The following ARMH3 variants were observed in gnomAD, a reference collection of about 807,000 sequenced individuals.
The protein encoded by ARMH3 is armadillo like helical domain containing 3.
In ARMH3, 60 loss-of-function variants were observed where a neutral mutation model predicts 99.1. The observed-to-expected ratio is 0.61, with a 90% confidence interval of 0.49 to 0.75. The LOEUF (loss-of-function observed/expected upper bound fraction) is 0.75, where lower values mean the gene tolerates loss of function less well. ARMH3 is among the 30% of genes least tolerant of loss of function. ARMH3 has a pLI of 0.00. For synonymous variants in ARMH3, 285 were observed against 292.8 expected (o/e 0.97, Z 0.27); for missense variants, 679 against 843.1 (o/e 0.81, Z 2.41).
At chr10:101,912,620 C>T (rs1304266097) in intron 23 of ARMH3, among the ~76,000 whole-genome samples, 1 of 152,160 alleles carries the variant, frequency 6.6e-6, no homozygotes, top group Non-Finnish European at 1.5e-5. Flanking sequence ...CAAGTAAAGA[C>T]AGTTTACATC....
chr10:101,950,708 AT>A (rs1292167640), intron 22 of ARMH3, among the ~76,000 whole-genome samples: 1 of 152,244 alleles, frequency 6.6e-6, no homozygotes, highest in Non-Finnish European at 1.5e-5. Flanking sequence ...AAGAGACCAC[AT>A]ATTGTATGAT....
In ARMH3 at chr10:102,001,205, T is replaced by C. The variant is rs181891402; in HGVS notation, c.1150+766A>G. Among the ~76,000 whole-genome samples the C allele has an allele frequency of 7.9e-5, 12 of 152,312 alleles. No individual in the cohort carries two copies. The East Asian group carries it at 2.3e-3, about 29-fold the overall frequency. On this transcript the variant is annotated intron_variant, in intron 15 of 25. Transcript: ENST00000370033. ...GGTTAAGATGGTAAATTTTGTTATA[T>C]ATACTTTACCACAATAAAAACAAAC...
intron 19 of ARMH3, among the ~76,000 whole-genome samples, chr10:101,979,265 A>G (rs1415598678): frequency 6.6e-6 from 1 of 152,258 alleles, no homozygotes; most frequent in Non-Finnish European, 1.5e-5. Flanking sequence ...GAATAAATAC[A>G]ACGATGTTGT....
intron 1 of ARMH3, among the ~76,000 whole-genome samples, chr10:102,052,810 A>G (rs928977032): frequency 3.9e-5 from 6 of 152,032 alleles, no homozygotes; most frequent in Non-Finnish European, 7.4e-5. Context: ...GTGCCAATAC[A>G]TTAAGCTCAC....
chr10:101,849,869 G>A lies in ARMH3; in HGVS notation c.1884C>T (p.Asn628=), dbSNP rs763311485. Residue 628 remains asparagine, a synonymous_variant, in exon 25 of 26, where the codon AAC becomes AAT. Transcript: ENST00000370033. The part of the protein sequence containing the change: ...EEQVLEVVRA[N]YDTLTLKLQD... ...GCAGCTTCAGCGTGAGCGTGTCATAGTTGGCTCTCACCACCTCCAGCACCT... is the reference window on the plus strand; with the variant it reads ...GCAGCTTCAGCGTGAGCGTGTCATAATTGGCTCTCACCACCTCCAGCACCT... The A allele has an allele frequency of 1.2e-6, 2 of 1,613,962 alleles. No homozygotes were observed. The highest frequency in any genetic ancestry group is 1.7e-6 in the Non-Finnish European group (2 of 1,179,998).
intron 23 of ARMH3, among the ~76,000 whole-genome samples, chr10:101,918,258 T>G (rs1283163511): frequency 6.6e-6 from 1 of 152,210 alleles, no homozygotes; most frequent in Non-Finnish European, 1.5e-5. Flanking sequence ...TTCACCATGT[T>G]GGCCAGGCTG....
chr10:101,903,916 C>T (rs2068038382), intron 23 of ARMH3, among the ~76,000 whole-genome samples: 1 of 152,216 alleles, frequency 6.6e-6, no homozygotes, highest in Non-Finnish European at 1.5e-5. Context: ...AGGTTCTCTA[C>T]CTCTTCTCCC....
chr10:102,005,025 A>T (rs574054308), intron 14 of ARMH3, among the ~76,000 whole-genome samples: 1 of 152,272 alleles, frequency 6.6e-6, no homozygotes, highest in East Asian at 1.9e-4. Context: ...TAACACTGTG[A>T]AACCCCATCT....
chr10:102,054,254 T>C (rs1230235504), intron 1 of ARMH3, among the ~76,000 whole-genome samples: 1 of 151,934 alleles, frequency 6.6e-6, no homozygotes, highest in Non-Finnish European at 1.5e-5. Context: ...CCAGGCATGG[T>C]GGTGCGCGCC....
At chr10:101,991,713 T>C (rs1444130440) in intron 18 of ARMH3, among the ~76,000 whole-genome samples, 1 of 152,176 alleles carries the variant, frequency 6.6e-6, no homozygotes, top group African/African-American at 2.4e-5. Context: ...GTAAATCATG[T>C]ATCAAGTTTA....
chr10:101,910,763 T>TA (rs1237082309), intron 23 of ARMH3, among the ~76,000 whole-genome samples: 2 of 147,576 alleles, frequency 1.4e-5, no homozygotes, highest in African/African-American at 5.0e-5. Context: ...ACTCAAGGTG[T>TA]AATACAAGGG....
At chr10:101,928,106 T>G (rs1005068553) in intron 23 of ARMH3, among the ~76,000 whole-genome samples, 73 of 152,104 alleles carry the variant, frequency 4.8e-4, no homozygotes, top group African/African-American at 1.7e-3. Flanking sequence ...AATGTCAGTG[T>G]AGTTAACCAA....
intron 24 of ARMH3, among the ~76,000 whole-genome samples, chr10:101,852,803 C>T (rs1474072962): frequency 6.6e-6 from 1 of 151,506 alleles, no homozygotes; most frequent in East Asian, 1.9e-4. Context: ...AGAAGCCTGG[C>T]TGGACTTATA....
chr10:102,022,197 G>T (rs1378670516), intron 8 of ARMH3, among the ~76,000 whole-genome samples: 1 of 151,942 alleles, frequency 6.6e-6, no homozygotes, highest in East Asian at 1.9e-4. Flanking sequence ...ACATTTCTCA[G>T]AATGTATCCT....
chr10:101,908,660 TTTTC>T (rs1842736474), intron 23 of ARMH3, among the ~76,000 whole-genome samples: 1 of 151,202 alleles, frequency 6.6e-6, no homozygotes, highest in African/African-American at 2.4e-5. Context: ...GGTTTTTTCT[TTTTC>T]TTTTTTTTTT....
At chr10:101,889,546 G>T in intron 23 of ARMH3, 56 bp from the exon 24 acceptor site, 1 of 1,477,856 alleles carries the variant, frequency 6.8e-7, no homozygotes, top group African/African-American at 1.4e-5. Flanking sequence ...GGATACATCT[G>T]TTAAAAAATA....
intron 22 of ARMH3, among the ~76,000 whole-genome samples, chr10:101,943,783 G>A (rs1055583484): frequency 1.3e-5 from 2 of 152,074 alleles, no homozygotes; most frequent in African/African-American, 2.4e-5. Flanking sequence ...AGCAATTAGA[G>A]GCCAGGCACG....
rs115666219 is a variant in ARMH3 at position 101,932,101 on chromosome 10, A to G, written c.1781+7762T>C. On this transcript the variant is annotated intron_variant, in intron 23 of 25. Coordinates refer to ENST00000370033, the MANE Select transcript of ARMH3 (RefSeq NM_024541.3). ...ATTAAAAAATGAGCAGAAGACTTCA[A>G]TAGACATTTCTCCAAAGAAGATATA... Among the ~76,000 whole-genome samples, 1,423 of 152,340 alleles carry G rather than the reference A, an allele frequency of 9.3e-3. 18 individuals carry two copies. Among genetic ancestry groups the G allele is most frequent in the African/African-American group, 0.032 (1,350 of 41,586 alleles).
intron 20 of ARMH3, among the ~76,000 whole-genome samples, chr10:101,968,372 A>G (rs1257224642): frequency 6.6e-6 from 1 of 152,192 alleles, no homozygotes; most frequent in Non-Finnish European, 1.5e-5. Flanking sequence ...CTGACACAGA[A>G]CCAATAACTT....
Sources: gnomAD v4.1 joint callset for allele counts (sites outside exome capture counted in the v4.1 genomes callset) on GRCh38, gnomAD v4.1.1 for gene constraint, MANE v1.5 for transcripts, NCBI Gene and HGNC (gene_info 2026-07-23, HGNC 2026-07-21) for gene names.